Variants in DENND4C observed in about 807,000 individuals in gnomAD.
DENND4C encodes DENN domain-containing protein 4C.
Under a neutral mutation model 203.0 loss-of-function variants are expected in DENND4C, and 108 were observed. That is an observed-to-expected ratio of 0.53 (90% CI 0.46 to 0.62). The LOEUF is 0.62. DENND4C is among the 20% of genes least tolerant of loss of function. The pLI, the probability that DENND4C is intolerant of heterozygous loss-of-function variation, is 0.00. For missense variants in DENND4C, 2,481 were observed against 2,301.2 expected, an observed-to-expected ratio of 1.08 and a Z score of -1.60; for synonymous variants, 871 against 792.4, an observed-to-expected ratio of 1.10 and a Z score of -1.67.
chr9:19,287,156 A>G (rs1319391776), intron 3 of DENND4C, 135 bp downstream of exon 3: 2 of 853,012 alleles, frequency 2.3e-6, no homozygotes, highest in Non-Finnish European at 3.1e-6. Flanking sequence ...CCTAATTTTT[A>G]TGATTTGTAA....
intron 15 of DENND4C, among the ~76,000 whole-genome samples, chr9:19,327,317 A>G (rs1818033397): frequency 6.6e-6 from 1 of 152,118 alleles, no homozygotes; most frequent in Non-Finnish European, 1.5e-5. Flanking sequence ...TTTGCATTCA[A>G]AGAAATGCAA....
At chr9:19,319,754 A>G (rs1181802536) in intron 12 of DENND4C, among the ~76,000 whole-genome samples, 1 of 152,140 alleles carries the variant, frequency 6.6e-6, no homozygotes. Flanking sequence ...TTAGACAAGA[A>G]AAAAATGTAA....
intron 1 of DENND4C, among the ~76,000 whole-genome samples, chr9:19,257,914 G>T (rs572893321): frequency 3.3e-5 from 5 of 152,242 alleles, no homozygotes; most frequent in African/African-American, 1.2e-4. Context: ...CTTGAGCCCA[G>T]GAGTTTTAGA....
chr9:19,369,954 C>T lies in DENND4C; in HGVS notation c.5642C>T (p.Ser1881Leu), dbSNP rs530961648. ...GTTCTTAAACCCATCAACCTACTTT[C>T]ACAGCAAATGAAGCCAGGCATGAAA... Reference protein sequence around the residue: ...NNVLKPINLLSQQMKPGMKRQ... With the variant: ...NNVLKPINLLLQQMKPGMKRQ... Residue 1881 changes from serine (S) to leucine (L), a missense_variant, in exon 31 of 33, where the codon TCA becomes TTA. Ser to Leu is a moderately radical substitution (Grantham distance 145, BLOSUM62 -2). Coordinates refer to ENST00000434457, the MANE Select transcript of DENND4C (RefSeq NM_001330640.2). 94 of 1,613,868 alleles carry T rather than the reference C, an allele frequency of 5.8e-5. 3 individuals carry two copies. The South Asian group carries it at 1.0e-3, about 17-fold the overall frequency.
intron 10 of DENND4C, among the ~76,000 whole-genome samples, chr9:19,306,664 C>A (rs532343829): frequency 1.3e-5 from 2 of 151,560 alleles, no homozygotes; most frequent in African/African-American, 4.8e-5. Context: ...CTTAATTTTG[C>A]GCAGTTTTGA....
At chr9:19,349,437 G>C (rs1207786554) in intron 23 of DENND4C, among the ~76,000 whole-genome samples, 1 of 152,164 alleles carries the variant, frequency 6.6e-6, no homozygotes, top group Non-Finnish European at 1.5e-5. Context: ...GTTAAAAACA[G>C]AAGTACATTA....
intron 4 of DENND4C, 87 bp downstream of exon 4, chr9:19,288,752 T>C (rs909223174): frequency 1.6e-6 from 1 of 642,974 alleles, no homozygotes; most frequent in African/African-American, 1.9e-5. Flanking sequence ...TATGCTCCCT[T>C]ACATAGTTTG....
Position 19,372,256 on chromosome 9 carries a change from G to GT in DENND4C, c.*84dup, listed in dbSNP as rs914066393. On this transcript the variant is annotated 3_prime_UTR_variant, in exon 33 of 33. Transcript: ENST00000434457. ...ACATTCAAGTTTTTTTTTCCAAATC[G>GT]TAAGAACTGGTGAATACGGAATTGA... The GT allele has an allele frequency of 1.0e-5, 15 of 1,501,752 alleles. No individual in the cohort carries two copies. Among genetic ancestry groups the GT allele is most frequent in the Non-Finnish European group, 1.3e-5 (14 of 1,109,684 alleles). The allele number at this position is 1,501,752 out of a possible 1,614,324, so 93.0% of individuals were successfully genotyped here.
chr9:19,358,070 T>A lies in DENND4C; in HGVS notation c.5070T>A (p.Val1690=). Residue 1690 remains valine, a synonymous_variant, in exon 28 of 33, where the codon GTT becomes GTA. Coordinates refer to ENST00000434457, the MANE Select transcript of DENND4C (RefSeq NM_001330640.2). The surrounding 1 kb of genome is among the most constrained non-coding windows in gnomAD (Gnocchi z 4.8). ...RNVSLTRSHS[V]GGPLQNIDFT... ...TGTCTTTGACTCGAAGTCACAGTGT[T>A]GGAGGCCCATTGCAGAATATTGACT... 6.2e-7 allele frequency: 1 copy of A among 1,614,016 alleles called. No homozygotes were observed. Among genetic ancestry groups the A allele is most frequent in the Non-Finnish European group, 8.5e-7 (1 of 1,179,874 alleles).
At chr9:19,262,782 T>A (rs1391327441) in intron 1 of DENND4C, among the ~76,000 whole-genome samples, 1 of 152,130 alleles carries the variant, frequency 6.6e-6, no homozygotes, top group Non-Finnish European at 1.5e-5. Context: ...TTGGCCAGGC[T>A]GGTCTCAAAC....
intron 10 of DENND4C, among the ~76,000 whole-genome samples, chr9:19,306,188 G>A (rs761872173): frequency 6.6e-6 from 1 of 152,140 alleles, no homozygotes; most frequent in Non-Finnish European, 1.5e-5. Flanking sequence ...TTCTTATGTT[G>A]GTGCCAACTT....
At chr9:19,289,825 T>C (rs1165614073) in intron 4 of DENND4C, among the ~76,000 whole-genome samples, 1 of 54,702 alleles carries the variant, frequency 1.8e-5, no homozygotes, top group East Asian at 1.1e-3. Flanking sequence ...CAAGATCCTG[T>C]CTCAAAAAAA....
intron 1 of DENND4C, among the ~76,000 whole-genome samples, chr9:19,268,323 C>T (rs1430491348): frequency 2.0e-5 from 3 of 152,174 alleles, no homozygotes; most frequent in Non-Finnish European, 2.9e-5. Flanking sequence ...TGGTATTGAA[C>T]GCCTGAGCTC....
intron 1 of DENND4C, among the ~76,000 whole-genome samples, chr9:19,268,464 A>G (rs1450661202): frequency 6.6e-6 from 1 of 152,174 alleles, no homozygotes; most frequent in Admixed American, 6.5e-5. Context: ...TAGTTTACAC[A>G]CCAGAATTAC....
At chr9:19,260,140 T>G (rs1385998263) in intron 1 of DENND4C, among the ~76,000 whole-genome samples, 3 of 152,210 alleles carry the variant, frequency 2.0e-5, no homozygotes, top group Non-Finnish European at 4.4e-5. Context: ...TGCCTGTCTT[T>G]TGGACCTAAG....
In DENND4C at chr9:19,346,857, C is replaced by T; in HGVS notation, c.4088C>T (p.Thr1363Ile). The T allele has an allele frequency of 6.2e-7, 1 of 1,614,230 alleles. No homozygotes were observed. Among genetic ancestry groups the T allele is most frequent in the Non-Finnish European group, 8.5e-7 (1 of 1,180,038 alleles). Reference sequence around the variant, plus strand: ...TTTACTGGGCGTTTCAAGCAGCAAACCCCCTCTCGAACTCATAAAGAACGT... The same window carrying T: ...TTTACTGGGCGTTTCAAGCAGCAAATCCCCTCTCGAACTCATAAAGAACGT... Reference protein sequence around the residue: ...KTFTGRFKQQTPSRTHKERST... With the variant: ...KTFTGRFKQQIPSRTHKERST... Residue 1363 changes from threonine (T) to isoleucine (I), a missense_variant, in exon 23 of 33, where the codon ACC becomes ATC. Thr to Ile is a moderately conservative substitution (Grantham distance 89). Around this residue, in one of 3 missense-constraint regions of DENND4C, gnomAD observed 2,289 missense variants for 2,113.3 expected, o/e 1.08. Transcript: ENST00000434457.
chr9:19,357,836 C>T (rs1327540710), intron 27 of DENND4C, 129 bp from the exon 28 acceptor site: 1 of 724,284 alleles, frequency 1.4e-6, no homozygotes, highest in Non-Finnish European at 2.1e-6. Flanking sequence ...GCAATTCTTA[C>T]AAGGTGGTGC....
intron 9 of DENND4C, among the ~76,000 whole-genome samples, chr9:19,302,654 A>G (rs1490927546): frequency 1.3e-5 from 2 of 152,208 alleles, no homozygotes; most frequent in Admixed American, 6.5e-5. Context: ...TTGTCACTCA[A>G]AGAAATCTGA....
chr9:19,264,056 A>G (rs1021062181), intron 1 of DENND4C, among the ~76,000 whole-genome samples: 3 of 152,104 alleles, frequency 2.0e-5, no homozygotes, highest in African/African-American at 7.2e-5. Context: ...ACTGTTTTTC[A>G]GAATAATTTG....
Sources: allele counts gnomAD v4.1 joint callset (sites outside exome capture counted in the v4.1 genomes callset), GRCh38; gene constraint gnomAD v4.1.1; regional missense constraint gnomAD v4.1.1; non-coding constraint Gnocchi (gnomAD v3.1); transcripts MANE v1.5; gene names NCBI Gene and HGNC (gene_info 2026-07-23, HGNC 2026-07-21).